EPB41L5: variants seen among roughly 807,000 people sequenced by gnomAD.
EPB41L5 encodes the protein erythrocyte membrane protein band 4.1 like 5.
Under a neutral mutation model 106.6 loss-of-function variants are expected in EPB41L5, and 55 were observed. The observed-to-expected ratio is 0.52, with a 90% CI of 0.42 to 0.65. The LOEUF (loss-of-function observed/expected upper bound fraction) is 0.65. Ranked by LOEUF, EPB41L5 falls within the 30% of genes least tolerant of loss-of-function variation. The probability of loss-of-function intolerance (pLI) is 0.00; values close to 1 mark genes in which losing one functional copy is unlikely to be tolerated. For missense variants in EPB41L5, 871 were observed against 882.1 expected, an observed-to-expected ratio of 0.99 and a Z score of 0.16; for synonymous variants, 297 against 306.7, an observed-to-expected ratio of 0.97 and a Z score of 0.33.
At chr2:120,111,060 G>A (rs1684709959) in intron 16 of EPB41L5, among the ~76,000 whole-genome samples, 1 of 152,012 alleles carries the variant, frequency 6.6e-6, no homozygotes, top group Admixed American at 6.6e-5. Flanking sequence ...AACTAAACTG[G>A]ACCTTACTCA....
At chr2:120,050,732 C>T (rs1680191478) in intron 3 of EPB41L5, among the ~76,000 whole-genome samples, 2 of 152,204 alleles carry the variant, frequency 1.3e-5, no homozygotes, top group East Asian at 1.9e-4. Context: ...GGGAGAGGCG[C>T]TCTGATTTTT....
At chr2:120,090,871 A>G (rs529655668) in intron 12 of EPB41L5, among the ~76,000 whole-genome samples, 28 of 152,314 alleles carry the variant, frequency 1.8e-4, no homozygotes, top group African/African-American at 6.3e-4. Context: ...ATTAGTCTGG[A>G]TAACATTTGT....
chr2:120,045,852 C>T (rs1203151476), intron 3 of EPB41L5, among the ~76,000 whole-genome samples: 3 of 150,680 alleles, frequency 2.0e-5, no homozygotes, highest in East Asian at 2.0e-4. Context: ...GTGTGATGCT[C>T]GCCTTCCCAA....
At chr2:120,074,576 T>C (rs921548567) in intron 5 of EPB41L5, among the ~76,000 whole-genome samples, 2 of 152,214 alleles carry the variant, frequency 1.3e-5, no homozygotes, top group Non-Finnish European at 2.9e-5. Flanking sequence ...TGAAATGCCA[T>C]TGATTAATGA....
chr2:120,153,220 A>G (rs1036334533), intron 20 of EPB41L5, among the ~76,000 whole-genome samples: 2 of 151,930 alleles, frequency 1.3e-5, no homozygotes, highest in African/African-American at 2.4e-5. Flanking sequence ...ATTATTTTCT[A>G]ATTTCCCTTG....
intron 13 of EPB41L5, among the ~76,000 whole-genome samples, chr2:120,092,102 C>T (rs1683460725): frequency 6.6e-6 from 1 of 152,010 alleles, no homozygotes; most frequent in Non-Finnish European, 1.5e-5. Flanking sequence ...GATCTCAGCT[C>T]ACTGCAACCT....
In EPB41L5 at chr2:120,164,748, A is replaced by C. The variant is rs142730263; in HGVS notation, c.1888-88A>C. The C allele has an allele frequency of 4.4e-5, 38 of 854,476 alleles. 2 individuals are homozygous for C. In the South Asian group the frequency reaches 5.4e-4, roughly 12 times the overall value. 52.9% of individuals were successfully genotyped at this position (854,476 alleles called of 1,614,324 possible). A position where few individuals can be genotyped will look rare whatever the true frequency, so the allele number is the denominator to read the frequency against. On this transcript the variant is annotated intron_variant, in intron 21 of 24. Transcript: ENST00000263713. ...GATTAACACTAATCAGGCCTGTGTC[A>C]GAATTATAAATTGAGAGGATATGGA...
At chr2:120,105,822 C>T in intron 16 of EPB41L5, 1 of 984,846 alleles carries the variant, frequency 1.0e-6, no homozygotes, top group Non-Finnish European at 1.2e-6. Context: ...GATTTTTTTT[C>T]TTAAAAGAGA....
chr2:120,029,584 A>G (rs534668421), intron 2 of EPB41L5, among the ~76,000 whole-genome samples: 176 of 152,332 alleles, frequency 1.2e-3, no homozygotes, highest in African/African-American at 3.7e-3. Flanking sequence ...GAAACAGCCT[A>G]TAATACACCT....
intron 20 of EPB41L5, among the ~76,000 whole-genome samples, chr2:120,155,054 T>C (rs570257301): frequency 8.5e-5 from 13 of 152,360 alleles, no homozygotes; most frequent in Non-Finnish European, 1.2e-4. Flanking sequence ...GTAAAATACT[T>C]ACTTTTATGC....
chr2:120,059,008 A>T (rs946473626), intron 3 of EPB41L5, among the ~76,000 whole-genome samples: 39 of 152,216 alleles, frequency 2.6e-4, no homozygotes, highest in Admixed American at 4.6e-4. Flanking sequence ...AAGTAATTTT[A>T]AAAAAGGGGA....
At chr2:120,173,681 A>C (rs562741119) in intron 24 of EPB41L5, among the ~76,000 whole-genome samples, 1 of 152,264 alleles carries the variant, frequency 6.6e-6, no homozygotes, top group East Asian at 1.9e-4. Context: ...ATATCGTTTT[A>C]CATCTTTAAA....
intron 3 of EPB41L5, among the ~76,000 whole-genome samples, chr2:120,065,326 G>T (rs1381210212): frequency 6.6e-6 from 1 of 151,472 alleles, no homozygotes; most frequent in Non-Finnish European, 1.5e-5. Flanking sequence ...TTACTATGTT[G>T]CCCAGGTTGG....
chr2:120,106,485 TTATGCC>T (rs1684459849), intron 16 of EPB41L5: 1 of 985,150 alleles, frequency 1.0e-6, no homozygotes, highest in African/African-American at 1.7e-5. Context: ...CTACATTTTA[TTATGCC>T]TAAAGAGTCA....
At chr2:120,154,549 T>C (rs1686822581) in intron 20 of EPB41L5, among the ~76,000 whole-genome samples, 1 of 152,178 alleles carries the variant, frequency 6.6e-6, no homozygotes. Context: ...GAATTAATAC[T>C]ATATATAGCT....
intron 20 of EPB41L5, among the ~76,000 whole-genome samples, chr2:120,150,475 C>T (rs997241569): frequency 1.7e-4 from 26 of 151,960 alleles, no homozygotes; most frequent in Non-Finnish European, 4.4e-5. Flanking sequence ...GCACACACCA[C>T]CCTGCCCAGC....
Position 120,178,559 on chromosome 2 carries a change from A to G in EPB41L5, c.*3652A>G, listed in dbSNP as rs1687995528. The G allele has an allele frequency of 6.6e-6, 1 of 152,232 alleles. No homozygotes were observed. The highest frequency in any genetic ancestry group is 1.5e-5 in the Non-Finnish European group (1 of 68,044). 9.4% of individuals were successfully genotyped at this position (152,232 alleles called of 1,614,324 possible). A position where few individuals can be genotyped will look rare whatever the true frequency, so the allele number is the denominator to read the frequency against. On this transcript the variant is annotated 3_prime_UTR_variant, in exon 25 of 25. Transcript: ENST00000263713. ...TGCAGACTGAAGAAGACACATTTCTAGATTATTTGTCCTTTTTATCCTCTC... is the reference window on the plus strand; with the variant it reads ...TGCAGACTGAAGAAGACACATTTCTGGATTATTTGTCCTTTTTATCCTCTC...
intron 10 of EPB41L5, among the ~76,000 whole-genome samples, chr2:120,079,816 T>C (rs1682516075): frequency 2.6e-5 from 4 of 152,178 alleles, no homozygotes; most frequent in Admixed American, 2.6e-4. Flanking sequence ...TTCTGTTCCC[T>C]GTGGAACTGT....
At chr2:120,153,970 C>T (rs1165522289) in intron 20 of EPB41L5, among the ~76,000 whole-genome samples, 1 of 152,108 alleles carries the variant, frequency 6.6e-6, no homozygotes, top group African/African-American at 2.4e-5. Context: ...CGTAATTTTA[C>T]TTTAATCCAC....
Sources: allele counts gnomAD v4.1 joint callset (sites outside exome capture counted in the v4.1 genomes callset), GRCh38; gene constraint gnomAD v4.1.1; transcripts MANE v1.5; gene names NCBI Gene and HGNC (gene_info 2026-07-23, HGNC 2026-07-21).